CSMD1: variants seen among roughly 807,000 people sequenced by gnomAD.
CSMD1 encodes the protein CUB and Sushi multiple domains 1.
A neutral mutation model predicts 417.5 loss-of-function variants in CSMD1; 213 were observed. The ratio of observed to expected loss-of-function variants is 0.51; its 90% CI spans 0.46 to 0.57. The LOEUF (loss-of-function observed/expected upper bound fraction) is 0.57, where lower values mean the gene tolerates loss of function less well. CSMD1 is among the 20% of genes least tolerant of loss of function. CSMD1 has a pLI of 0.00. For missense variants in CSMD1, 6,923 were observed against 4,529.7 expected (o/e 1.53, Z -15.17); for synonymous variants, 2,862 against 1,736.8 (o/e 1.65, Z -16.11).
chr8:4,790,838 T>A (rs916450007), intron 1 of CSMD1, among the ~76,000 whole-genome samples: 1 of 152,048 alleles, frequency 6.6e-6, no homozygotes, highest in African/African-American at 2.4e-5. Context: ...CAACACAACA[T>A]GAATTAAAGA....
chr8:3,982,237 A>G (rs959871880), intron 5 of CSMD1, among the ~76,000 whole-genome samples: 3 of 150,580 alleles, frequency 2.0e-5, no homozygotes, highest in Non-Finnish European at 3.0e-5. Context: ...ATTAACTACA[A>G]TCTGAGCTAA....
At chr8:3,170,508 C>A (rs74304340) in intron 37 of CSMD1, among the ~76,000 whole-genome samples, 3,577 of 152,242 alleles carry the variant, frequency 0.023, 175 homozygotes, top group East Asian at 0.19. Context: ...GTGCCCGGCC[C>A]GAGCTTTATT....
chr8:3,870,820 A>G (rs947522298), intron 5 of CSMD1, among the ~76,000 whole-genome samples: 5 of 152,140 alleles, frequency 3.3e-5, no homozygotes, highest in Admixed American at 6.5e-5. Flanking sequence ...TACACAGGAG[A>G]GAAAGAAGCA....
At chr8:4,255,595 A>G (rs1211664108) in intron 3 of CSMD1, among the ~76,000 whole-genome samples, 2 of 152,242 alleles carry the variant, frequency 1.3e-5, no homozygotes, top group African/African-American at 2.4e-5. Flanking sequence ...ATCTTTGCAT[A>G]AAGTTGATTA....
At chr8:2,943,230 C>T (rs1172423179) in intron 68 of CSMD1, among the ~76,000 whole-genome samples, 3 of 144,484 alleles carry the variant, frequency 2.1e-5, no homozygotes, top group Non-Finnish European at 4.6e-5. Flanking sequence ...ATTAATTTTT[C>T]TTTTTTTTTT....
chr8:3,050,086 G>T (rs977349103), intron 50 of CSMD1, among the ~76,000 whole-genome samples: 41 of 149,300 alleles, frequency 2.7e-4, no homozygotes, highest in African/African-American at 9.6e-4. Context: ...GACATTTTAT[G>T]CATAACACCT....
intron 10 of CSMD1, among the ~76,000 whole-genome samples, chr8:3,503,123 C>G (rs546741313): frequency 1.3e-5 from 2 of 152,174 alleles, no homozygotes; most frequent in South Asian, 4.1e-4. Context: ...ATACCAATAG[C>G]CCACAGTATA....
At chr8:3,267,669 G>A (rs1365977111) in intron 26 of CSMD1, among the ~76,000 whole-genome samples, 3 of 152,210 alleles carry the variant, frequency 2.0e-5, no homozygotes, top group Non-Finnish European at 4.4e-5. Flanking sequence ...GAGGAAGCAG[G>A]GATGGAAAGA....
chr8:4,379,856 A>C (rs1413497804), intron 3 of CSMD1, among the ~76,000 whole-genome samples: 5 of 152,224 alleles, frequency 3.3e-5, no homozygotes, highest in Non-Finnish European at 7.3e-5. Flanking sequence ...GCTAGGAGAC[A>C]GTGATGTTCA....
chr8:3,465,570 G>C (rs1381258484), intron 12 of CSMD1, among the ~76,000 whole-genome samples: 1 of 152,104 alleles, frequency 6.6e-6, no homozygotes, highest in African/African-American at 2.4e-5. Context: ...CAGTGCCCAA[G>C]GTAGCAGAGA....
chr8:3,224,946 C>G (rs1283437249), intron 27 of CSMD1, among the ~76,000 whole-genome samples: 5 of 152,146 alleles, frequency 3.3e-5, no homozygotes, highest in Non-Finnish European at 7.3e-5. Context: ...TGGTTTGTCA[C>G]CAAGTTGTTT....
chr8:3,355,819 T>G (rs1390669728), intron 21 of CSMD1, among the ~76,000 whole-genome samples: 1 of 152,174 alleles, frequency 6.6e-6, no homozygotes, highest in Non-Finnish European at 1.5e-5. Flanking sequence ...GGGCAACTTT[T>G]TCTCTAATTT....
intron 40 of CSMD1, among the ~76,000 whole-genome samples, chr8:3,149,252 A>C (rs73491736): frequency 0.13 from 20,173 of 152,260 alleles, 1,525 homozygotes; most frequent in Middle Eastern, 0.2. Flanking sequence ...GAAATGATAA[A>C]ATAGTAACAT....
intron 26 of CSMD1, among the ~76,000 whole-genome samples, chr8:3,261,271 T>C (rs373302963): frequency 6.6e-6 from 1 of 152,214 alleles, no homozygotes; most frequent in Non-Finnish European, 1.5e-5. Flanking sequence ...CTGGTGAGAA[T>C]GTAAAATGGT....
intron 27 of CSMD1, among the ~76,000 whole-genome samples, chr8:3,227,067 G>C (rs1227439830): frequency 1.3e-5 from 2 of 151,984 alleles, no homozygotes; most frequent in Admixed American, 1.3e-4. Flanking sequence ...AATATATATG[G>C]CTGATGGCAG....
At chr8:4,446,290 G>C (rs377437363) in intron 2 of CSMD1, among the ~76,000 whole-genome samples, 6 of 152,180 alleles carry the variant, frequency 3.9e-5, no homozygotes, top group South Asian at 2.1e-4. Flanking sequence ...GCTCATGCCC[G>C]TAATCCTGCT....
chr8:4,947,295 A>T (rs1180646044), intron 1 of CSMD1, among the ~76,000 whole-genome samples: 2 of 152,186 alleles, frequency 1.3e-5, no homozygotes, highest in African/African-American at 2.4e-5. Context: ...AACCTATAAG[A>T]CCATTTGGTA....
intron 5 of CSMD1, among the ~76,000 whole-genome samples, chr8:3,864,963 C>T (rs561346794): frequency 1.3e-5 from 2 of 152,176 alleles, no homozygotes; most frequent in Admixed American, 6.5e-5. Context: ...GCTTTTCCTT[C>T]CAGTTTTGGC....
chr8:3,882,963 A>G (rs191336128), intron 5 of CSMD1, among the ~76,000 whole-genome samples: 9 of 152,290 alleles, frequency 5.9e-5, no homozygotes, highest in South Asian at 2.1e-4. Context: ...ACTCTCTGCG[A>G]AAGTTTGTTG....
Sources: gnomAD v4.1 joint callset for allele counts (sites outside exome capture counted in the v4.1 genomes callset) on GRCh38, gnomAD v4.1.1 for gene constraint, MANE v1.5 for transcripts, NCBI Gene and HGNC (gene_info 2026-07-23, HGNC 2026-07-21) for gene names.